DNAJC1: variants seen among roughly 807,000 people sequenced by gnomAD.
DNAJC1 encodes the protein dnaJ homolog subfamily C member 1.
Under a neutral mutation model 76.6 loss-of-function variants are expected in DNAJC1, and 58 were observed. The ratio of observed to expected loss-of-function variants is 0.76; its 90% CI spans 0.61 to 0.94. The LOEUF (loss-of-function observed/expected upper bound fraction) is 0.94. Among genes scored for constraint, DNAJC1 ranks in the 40% least tolerant of loss-of-function variants. The probability of loss-of-function intolerance (pLI) is 0.00; values close to 1 mark genes in which losing one functional copy is unlikely to be tolerated. For missense variants in DNAJC1, 689 were observed against 677.3 expected, an observed-to-expected ratio of 1.02 and a Z score of -0.19; for synonymous variants, 258 against 267.9, an observed-to-expected ratio of 0.96 and a Z score of 0.36.
intron 7 of DNAJC1, among the ~76,000 whole-genome samples, chr10:21,883,206 C>T (rs1169241192): frequency 1.3e-5 from 2 of 151,346 alleles, no homozygotes; most frequent in Non-Finnish European, 2.9e-5. Context: ...GCCAAGATCA[C>T]ACCACTGCAT....
At chr10:22,002,777 G>A (rs570167238) in intron 1 of DNAJC1, among the ~76,000 whole-genome samples, 4 of 152,140 alleles carry the variant, frequency 2.6e-5, no homozygotes, top group African/African-American at 9.6e-5. Flanking sequence ...AAGTATCGGT[G>A]GAAGATGACA....
intron 8 of DNAJC1, among the ~76,000 whole-genome samples, chr10:21,810,470 T>TTAATTCCCTATGGTCA (rs936568086): frequency 6.6e-6 from 1 of 152,212 alleles, no homozygotes; most frequent in Non-Finnish European, 1.5e-5. Flanking sequence ...CTGTCTTGCC[T>TTAATTCCCTATGGTCA]TAATTCCCTA....
intron 6 of DNAJC1, among the ~76,000 whole-genome samples, chr10:21,916,042 T>G (rs1050708401): frequency 6.6e-6 from 1 of 152,130 alleles, no homozygotes; most frequent in Admixed American, 6.5e-5. Context: ...AAGCCAATTA[T>G]GAAAGACTTG....
intron 9 of DNAJC1, among the ~76,000 whole-genome samples, chr10:21,790,010 T>TAAAAAAAAAAAAAAAAAAAAAAAAAAA (rs35639440): frequency 1.7e-4 from 7 of 41,092 alleles, no homozygotes; most frequent in African/African-American, 3.6e-4. Context: ...GCTCTGTCTT[T>TAAAAAAAAAAAAAAAAAAAAAAAAAAA]AAAAAAAAAA....
At chr10:21,876,836 GAACTTTTGGAACAA>G (rs1836196569) in intron 8 of DNAJC1, among the ~76,000 whole-genome samples, 1 of 152,150 alleles carries the variant, frequency 6.6e-6, no homozygotes, top group African/African-American at 2.4e-5. Context: ...AGGGTTTGGA[GAACTTTTGGAACAA>G]AACATTAATC....
intron 8 of DNAJC1, 126 bp from the exon 9 acceptor site, chr10:21,806,225 A>AAAAAACAAT: frequency 9.8e-7 from 1 of 1,017,216 alleles, no homozygotes; most frequent in Non-Finnish European, 1.4e-6. Flanking sequence ...TGCTTTCTGT[A>AAAAAACAAT]AAAAACAATA....
chr10:21,864,179 G>A (rs935483477), intron 8 of DNAJC1, among the ~76,000 whole-genome samples: 8 of 152,094 alleles, frequency 5.3e-5, no homozygotes, highest in Non-Finnish European at 2.9e-5. Flanking sequence ...AAGCAAGATC[G>A]TGCCACTGCA....
intron 6 of DNAJC1, among the ~76,000 whole-genome samples, chr10:21,910,517 T>C (rs1020804315): frequency 7.9e-5 from 12 of 151,854 alleles, no homozygotes; most frequent in African/African-American, 2.7e-4. Context: ...ATCAACATAT[T>C]AAGCAATCCA....
chr10:21,786,813 C>T (rs945692315), intron 9 of DNAJC1, among the ~76,000 whole-genome samples: 5 of 152,196 alleles, frequency 3.3e-5, no homozygotes, highest in Middle Eastern at 3.4e-3. Context: ...TCTATCCCTA[C>T]CTGATATTGC....
intron 9 of DNAJC1, among the ~76,000 whole-genome samples, chr10:21,804,466 AC>A (rs1008530985): frequency 2.6e-5 from 4 of 152,018 alleles, no homozygotes; most frequent in Non-Finnish European, 5.9e-5. Flanking sequence ...AGTACTTAAA[AC>A]ATCAAAAACC....
At chr10:21,883,158 G>A (rs1035067819) in intron 7 of DNAJC1, among the ~76,000 whole-genome samples, 5 of 151,946 alleles carry the variant, frequency 3.3e-5, no homozygotes, top group Non-Finnish European at 7.4e-5. Context: ...GCTGAGGCAT[G>A]AGACTCACTT....
intron 8 of DNAJC1, among the ~76,000 whole-genome samples, chr10:21,866,458 C>A (rs191613184): frequency 6.6e-6 from 1 of 151,892 alleles, no homozygotes; most frequent in African/African-American, 2.4e-5. Flanking sequence ...AAATAAACTG[C>A]AACACTTTAT....
At chr10:21,992,147 C>T (rs537955255) in intron 1 of DNAJC1, among the ~76,000 whole-genome samples, 1 of 152,178 alleles carries the variant, frequency 6.6e-6, no homozygotes, top group African/African-American at 2.4e-5. Context: ...CCCGTCTCTA[C>T]TAAAAATGCA....
chr10:21,778,672 CGGA>C (rs2131626095), intron 9 of DNAJC1, among the ~76,000 whole-genome samples: 1 of 152,278 alleles, frequency 6.6e-6, no homozygotes, highest in Non-Finnish European at 1.5e-5. Context: ...GTGTGAGCGA[CGGA>C]GAAGACGGGT....
intron 9 of DNAJC1, among the ~76,000 whole-genome samples, chr10:21,782,562 T>C (rs1215331680): frequency 2.0e-5 from 3 of 152,154 alleles, no homozygotes; most frequent in Non-Finnish European, 4.4e-5. Context: ...GAGGCCAGCA[T>C]CATCCTGATA....
At chr10:21,782,063 T>C (rs955667622) in intron 9 of DNAJC1, among the ~76,000 whole-genome samples, 4 of 151,908 alleles carry the variant, frequency 2.6e-5, no homozygotes, top group African/African-American at 7.3e-5. Context: ...CTGAAGGAGA[T>C]AGAGACACAA....
chr10:21,889,183 G>C (rs1241223321), intron 7 of DNAJC1, among the ~76,000 whole-genome samples: 1 of 152,082 alleles, frequency 6.6e-6, no homozygotes, highest in Non-Finnish European at 1.5e-5. Context: ...GAGAACAGGT[G>C]TCTTACATGG....
At chr10:21,781,246 T>C (rs1013621893) in intron 9 of DNAJC1, among the ~76,000 whole-genome samples, 1 of 152,190 alleles carries the variant, frequency 6.6e-6, no homozygotes, top group Admixed American at 6.5e-5. Context: ...CAAGCGGACC[T>C]AATAGACATC....
intron 9 of DNAJC1, among the ~76,000 whole-genome samples, chr10:21,781,947 G>C (rs1048429784): frequency 6.6e-6 from 1 of 151,952 alleles, no homozygotes; most frequent in Admixed American, 6.6e-5. Flanking sequence ...GAGAAAGCAG[G>C]AAAGATCTAA....
Sources: allele counts gnomAD v4.1 joint callset (sites outside exome capture counted in the v4.1 genomes callset), GRCh38; gene constraint gnomAD v4.1.1; transcripts MANE v1.5; gene names NCBI Gene and HGNC (gene_info 2026-07-23, HGNC 2026-07-21).